Variants in STYX observed in about 807,000 individuals in gnomAD.
STYX encodes the protein serine/threonine/tyrosine-interacting protein.
Under a neutral mutation model 42.7 loss-of-function variants are expected in STYX, and 20 were observed. The observed-to-expected ratio is 0.47, with a 90% confidence interval of 0.33 to 0.68. STYX has a LOEUF of 0.68. STYX is among the 30% of genes least tolerant of loss of function. The pLI, the probability that STYX is intolerant of heterozygous loss-of-function variation, is 0.02. For missense variants in STYX, 226 were observed against 268.5 expected (o/e 0.84, Z 1.11); for synonymous variants, 78 against 81.9 (o/e 0.95, Z 0.26).
At chr14:52,749,140 G>T (rs1881507785) in intron 3 of STYX, among the ~76,000 whole-genome samples, 1 of 152,158 alleles carries the variant, frequency 6.6e-6, no homozygotes, top group South Asian at 2.1e-4. Context: ...CCTCTTGCTG[G>T]CTCGCAGATC....
intron 9 of STYX, among the ~76,000 whole-genome samples, chr14:52,764,370 G>T (rs1882216848): frequency 6.6e-6 from 1 of 152,120 alleles, no homozygotes; most frequent in Non-Finnish European, 1.5e-5. Flanking sequence ...GCTACCTTTT[G>T]AGTTTTCCCA....
At chr14:52,740,135 G>A (rs958145249) in intron 1 of STYX, among the ~76,000 whole-genome samples, 1 of 152,098 alleles carries the variant, frequency 6.6e-6, no homozygotes, top group African/African-American at 2.4e-5. Flanking sequence ...AAATTAGCCA[G>A]GTTTGGTGGT....
At chr14:52,755,683 G>GTTT (rs372975976) in intron 4 of STYX, among the ~76,000 whole-genome samples, 28 of 129,780 alleles carry the variant, frequency 2.2e-4, no homozygotes, top group African/African-American at 2.3e-4. Context: ...CTCTCAGCTA[G>GTTT]TTTTTTTTTT....
intron 1 of STYX, among the ~76,000 whole-genome samples, chr14:52,744,442 CTCT>C (rs1414042259): frequency 6.6e-6 from 1 of 152,200 alleles, no homozygotes; most frequent in Non-Finnish European, 1.5e-5. Context: ...TGATCAGACA[CTCT>C]TCTTCCTGTC....
intron 1 of STYX, among the ~76,000 whole-genome samples, chr14:52,743,674 A>G (rs539723162): frequency 3.9e-4 from 59 of 152,354 alleles, no homozygotes; most frequent in Admixed American, 1.6e-3. Flanking sequence ...CAACTTTTCT[A>G]TAATCCTAAA....
intron 1 of STYX, among the ~76,000 whole-genome samples, chr14:52,734,402 C>T (rs1880864818): frequency 6.6e-6 from 1 of 152,156 alleles, no homozygotes; most frequent in Admixed American, 6.6e-5. Context: ...CATCCCCTCC[C>T]ATAGAGGTGT....
chr14:52,731,030 G>A (rs1018392971), intron 1 of STYX, among the ~76,000 whole-genome samples: 1 of 152,224 alleles, frequency 6.6e-6, no homozygotes, highest in Non-Finnish European at 1.5e-5. Flanking sequence ...GTGTCTCAAA[G>A]CTAGCTCATC....
chr14:52,753,520 A>G (rs947281487), intron 4 of STYX, among the ~76,000 whole-genome samples: 3 of 152,088 alleles, frequency 2.0e-5, no homozygotes, highest in African/African-American at 2.4e-5. Flanking sequence ...CTTGATATCC[A>G]TGGGGGATTG....
chr14:52,744,958 A>G (rs774260267), intron 2 of STYX, 74 bp downstream of exon 2: 7 of 1,316,172 alleles, frequency 5.3e-6, no homozygotes, highest in Non-Finnish European at 7.5e-6. Context: ...ATAGGATTTG[A>G]GACCTGCTGA....
intron 4 of STYX, among the ~76,000 whole-genome samples, chr14:52,751,523 T>C (rs1186704481): frequency 6.6e-6 from 1 of 152,092 alleles, no homozygotes; most frequent in Non-Finnish European, 1.5e-5. Context: ...GTTGTATCAG[T>C]GTACATTCCC....
intron 2 of STYX, 103 bp from the exon 3 acceptor site, chr14:52,746,323 T>G: frequency 1.3e-6 from 1 of 777,606 alleles, no homozygotes; most frequent in Non-Finnish European, 2.0e-6. Context: ...TCTTGTTGTA[T>G]CTTGTGCTGC....
intron 1 of STYX, among the ~76,000 whole-genome samples, chr14:52,741,053 C>G (rs1220652339): frequency 1.3e-5 from 2 of 152,062 alleles, no homozygotes; most frequent in Admixed American, 6.5e-5. Flanking sequence ...TGAAATTCAT[C>G]CATGTTGTTG....
Position 52,773,962 on chromosome 14 carries a change from G to A in STYX, c.*2856G>A, listed in dbSNP as rs193274922. On this transcript the variant is annotated 3_prime_UTR_variant, in exon 11 of 11. Transcript: ENST00000354586. Reference sequence around the variant, plus strand: ...AATTGTATCAAAACATAGGGAAACTGTATTACTGTCCATTTTGAAAATATG... The same window carrying A: ...AATTGTATCAAAACATAGGGAAACTATATTACTGTCCATTTTGAAAATATG... 2.0e-5 allele frequency: 3 copies of A among 152,288 alleles called. No homozygotes were observed. Among genetic ancestry groups the A allele is most frequent in the African/African-American group, 4.8e-5 (2 of 41,560 alleles). 9.4% of individuals were successfully genotyped at this position (152,288 alleles called of 1,614,324 possible). A position where few individuals can be genotyped will look rare whatever the true frequency, so the allele number is the denominator to read the frequency against.
chr14:52,739,102 G>A (rs1276723213), intron 1 of STYX, among the ~76,000 whole-genome samples: 1 of 144,970 alleles, frequency 6.9e-6, no homozygotes, highest in Non-Finnish European at 1.5e-5. Flanking sequence ...GTTTGTTTTT[G>A]GTATACACTT....
intron 9 of STYX, among the ~76,000 whole-genome samples, chr14:52,763,563 T>C (rs1221079758): frequency 6.6e-6 from 1 of 152,220 alleles, no homozygotes; most frequent in African/African-American, 2.4e-5. Flanking sequence ...TGATATTCTG[T>C]GATTTCAGTT....
At chr14:52,762,701 C>G (rs1402049974) in intron 9 of STYX, among the ~76,000 whole-genome samples, 1 of 151,794 alleles carries the variant, frequency 6.6e-6, no homozygotes, top group Non-Finnish European at 1.5e-5. Flanking sequence ...ATTGGAGTTA[C>G]TTGTCTCTTA....
At chr14:52,766,241 A>G (rs1186675830) in intron 9 of STYX, among the ~76,000 whole-genome samples, 1 of 152,128 alleles carries the variant, frequency 6.6e-6, no homozygotes, top group Middle Eastern at 3.2e-3. Context: ...ATCTTGGCTC[A>G]CTGCAACCTC....
At chr14:52,770,911 A>C in intron 10 of STYX, 122 bp from the exon 11 acceptor site, 2 of 590,600 alleles carry the variant, frequency 3.4e-6, no homozygotes, top group Non-Finnish European at 5.6e-6. Flanking sequence ...AAATTTTGCT[A>C]TATCAGTTGT....
intron 3 of STYX, among the ~76,000 whole-genome samples, chr14:52,747,258 C>T (rs1881429829): frequency 6.6e-6 from 1 of 152,202 alleles, no homozygotes; most frequent in South Asian, 2.1e-4. Flanking sequence ...TTCAATGCTA[C>T]TAATTCTCTT....
Sources: allele counts gnomAD v4.1 joint callset (sites outside exome capture counted in the v4.1 genomes callset), GRCh38; gene constraint gnomAD v4.1.1; transcripts MANE v1.5; gene names NCBI Gene and HGNC (gene_info 2026-07-23, HGNC 2026-07-21).